Variants in SCTR observed in about 807,000 individuals in gnomAD.
SCTR encodes pancreatic secretin receptor.
Under a neutral mutation model 60.8 loss-of-function variants are expected in SCTR, and 56 were observed. The ratio of observed to expected loss-of-function variants is 0.92; its 90% CI spans 0.74 to 1.15. SCTR has a LOEUF of 1.15. Among genes scored for constraint, SCTR ranks in the 50% most tolerant of loss-of-function variants. The pLI is 0.00. For missense variants in SCTR, 562 were observed against 550.4 expected, an observed-to-expected ratio of 1.02 and a Z score of -0.21; for synonymous variants, 202 against 217.0, an observed-to-expected ratio of 0.93 and a Z score of 0.61.
At chr2:119,516,607 G>C (rs1679124985) in intron 1 of SCTR, among the ~76,000 whole-genome samples, 1 of 152,146 alleles carries the variant, frequency 6.6e-6, no homozygotes, top group African/African-American at 2.4e-5. Flanking sequence ...TGAAGTTGCA[G>C]TTACACCAGG....
chr2:119,500,408 A>C (rs1558875678), intron 1 of SCTR, among the ~76,000 whole-genome samples: 1 of 152,240 alleles, frequency 6.6e-6, no homozygotes, highest in African/African-American at 2.4e-5. Context: ...TATGTCAAAG[A>C]GATATATGCA....
In SCTR at chr2:119,439,977, G is replaced by T; in HGVS notation, c.*140C>A. The T allele has an allele frequency of 1.1e-6, 1 of 874,834 alleles. No individual in the cohort carries two copies. Among genetic ancestry groups the T allele is most frequent in the Non-Finnish European group, 1.7e-6 (1 of 577,998 alleles). 54.2% of individuals were successfully genotyped at this position (874,834 alleles called of 1,614,324 possible). On this transcript the variant is annotated 3_prime_UTR_variant, in exon 13 of 13. Transcript: ENST00000019103. ...CAGTGCCTCACATCCCTTCGGAAGAGTCCAAGGCCTGGGGAGGGGCATCTT... is the reference window on the plus strand; with the variant it reads ...CAGTGCCTCACATCCCTTCGGAAGATTCCAAGGCCTGGGGAGGGGCATCTT...
At chr2:119,515,544 G>A (rs1573930322) in intron 1 of SCTR, among the ~76,000 whole-genome samples, 2 of 152,102 alleles carry the variant, frequency 1.3e-5, no homozygotes, top group South Asian at 4.1e-4. Context: ...CAACAAAAAA[G>A]GCAGAGAAAG....
chr2:119,477,090 T>C (rs1299450132), intron 3 of SCTR: 2 of 152,208 alleles, frequency 1.3e-5, no homozygotes. Context: ...GGGCAGGTCT[T>C]ATTTATTTTC....
chr2:119,514,723 A>G (rs1009835490), intron 1 of SCTR, among the ~76,000 whole-genome samples: 3 of 152,072 alleles, frequency 2.0e-5, no homozygotes, highest in Admixed American at 6.6e-5. Context: ...TAAAAATACA[A>G]AAAAATCAGC....
At chr2:119,506,829 T>C (rs1258455046) in intron 1 of SCTR, among the ~76,000 whole-genome samples, 1 of 152,136 alleles carries the variant, frequency 6.6e-6, no homozygotes, top group Non-Finnish European at 1.5e-5. Context: ...AGATGCGTGT[T>C]GTCAGGAGTT....
In SCTR at chr2:119,453,314, A is replaced by G. The variant is rs1466604622; in HGVS notation, c.824T>C (p.Ile275Thr). The G allele has an allele frequency of 2.5e-6, 4 of 1,613,944 alleles. No individual in the cohort carries two copies. The highest frequency in any genetic ancestry group is 3.4e-6 in the Non-Finnish European group (4 of 1,179,770). Residue 275 changes from isoleucine to threonine, a missense_variant, in exon 8 of 13, where the codon ATT becomes ACT. Physicochemically the swap from Ile to Thr is moderately conservative, Grantham distance 89. Transcript: ENST00000019103. ...SPAIFVALWAIARHFLEDVGC... is the reference protein window; with the variant it reads ...SPAIFVALWATARHFLEDVGC... ...AACATCTTCCAGAAAGTGTCTGGCAATAGCCCACAAAGCAACAAAAATGGC... is the reference window on the plus strand; with the variant it reads ...AACATCTTCCAGAAAGTGTCTGGCAGTAGCCCACAAAGCAACAAAAATGGC...
intron 11 of SCTR, among the ~76,000 whole-genome samples, chr2:119,442,690 CAG>C (rs1251148440): frequency 1.3e-5 from 2 of 152,184 alleles, no homozygotes; most frequent in African/African-American, 2.4e-5. Flanking sequence ...CAGAAACACT[CAG>C]GGCATCGGTT....
In SCTR at chr2:119,524,234, G is replaced by T; in HGVS notation, c.-8C>A. On this transcript the variant is annotated 5_prime_UTR_variant, in exon 1 of 13. Coordinates refer to ENST00000019103, the MANE Select transcript of SCTR (RefSeq NM_002980.3). ...CGACAGGTGGGGACGCATGGTGCCCGCACGTTCCCCGAGGGCGCCCCGACG... is the reference window on the plus strand; with the variant it reads ...CGACAGGTGGGGACGCATGGTGCCCTCACGTTCCCCGAGGGCGCCCCGACG... The T allele has an allele frequency of 1.4e-6, 2 of 1,451,952 alleles. No individual in the cohort carries two copies. The highest frequency in any genetic ancestry group is 1.4e-5 in the South Asian group (1 of 72,768). 89.9% of individuals were successfully genotyped at this position (1,451,952 alleles called of 1,614,324 possible). A position where few individuals can be genotyped will look rare whatever the true frequency, so the allele number is the denominator to read the frequency against.
intron 4 of SCTR, among the ~76,000 whole-genome samples, chr2:119,470,593 T>A (rs1364003158): frequency 6.6e-6 from 1 of 152,230 alleles, no homozygotes; most frequent in East Asian, 1.9e-4. Flanking sequence ...TTTCAGCTCC[T>A]TGGTTTGGGG....
At chr2:119,457,068 A>G (rs913240916) in intron 7 of SCTR, among the ~76,000 whole-genome samples, 9 of 152,176 alleles carry the variant, frequency 5.9e-5, no homozygotes, top group Non-Finnish European at 1.2e-4. Flanking sequence ...TAAGCCACCA[A>G]GTTTGTGGCA....
Position 119,464,256 on chromosome 2 carries a change from C to T in SCTR, c.504-1G>A, listed in dbSNP as rs1683738742. On this transcript the variant is annotated splice_acceptor_variant, in intron 5 of 12. Transcript: ENST00000019103. LOFTEE classifies it high-confidence loss of function. ...GTAGTTGCGAGTGCAGTGGAGCCTC[C>T]TGCAGGGAGAGAATGTAGGGACATA... 2 of 1,614,044 alleles carry T rather than the reference C, an allele frequency of 1.2e-6. No homozygotes were observed. Among genetic ancestry groups the T allele is most frequent in the Non-Finnish European group, 1.7e-6 (2 of 1,180,024 alleles).
At chr2:119,453,042 C>T (rs1683233131) in intron 8 of SCTR, among the ~76,000 whole-genome samples, 2 of 152,172 alleles carry the variant, frequency 1.3e-5, no homozygotes, top group South Asian at 2.1e-4. Flanking sequence ...TGGCATCTGA[C>T]CCACATGCAG....
At chr2:119,500,279 A>G (rs570812783) in intron 1 of SCTR, among the ~76,000 whole-genome samples, 66 of 152,282 alleles carry the variant, frequency 4.3e-4, no homozygotes, top group African/African-American at 1.5e-3. Flanking sequence ...TGATGGGATG[A>G]ATTGTAGTAC....
At chr2:119,456,119 G>A (rs1683367974) in intron 7 of SCTR, among the ~76,000 whole-genome samples, 1 of 145,400 alleles carries the variant, frequency 6.9e-6, no homozygotes, top group South Asian at 2.2e-4. Flanking sequence ...AGGCTGGAGT[G>A]CAGTGGTCTC....
In SCTR at chr2:119,489,556, C is replaced by T. The variant is rs150751115; in HGVS notation, c.193+4872G>A. ...TACAGTGCAGTGCAGAGGTGCGAGA[C>T]GAGAGAGAAACAGTATCCTGCAGGA... On this transcript the variant is annotated intron_variant, in intron 2 of 12. Coordinates refer to ENST00000019103, the MANE Select transcript of SCTR (RefSeq NM_002980.3). Among the ~76,000 whole-genome samples the T allele has an allele frequency of 4.2e-4, 64 of 152,202 alleles. 1 individual carries two copies. In the East Asian group the frequency reaches 0.011, roughly 26 times the overall value.
At chr2:119,464,019 A>C (rs1289956973) in intron 6 of SCTR, 104 bp downstream of exon 6, 2 of 1,259,402 alleles carry the variant, frequency 1.6e-6, no homozygotes, top group African/African-American at 2.9e-5. Flanking sequence ...GTGCAGCCTC[A>C]GCAGGGGCTT....
intron 2 of SCTR, among the ~76,000 whole-genome samples, chr2:119,491,173 C>G (rs1678109224): frequency 6.6e-6 from 1 of 152,230 alleles, no homozygotes; most frequent in Non-Finnish European, 1.5e-5. Flanking sequence ...ATGTCCTTTT[C>G]CAGTTCACCT....
At chr2:119,450,841 AGT>A (rs1421736648) in intron 9 of SCTR, among the ~76,000 whole-genome samples, 2 of 152,126 alleles carry the variant, frequency 1.3e-5, no homozygotes, top group Non-Finnish European at 2.9e-5. Flanking sequence ...GGGAGCCTTT[AGT>A]CCCAGCTACT....
Sources: gnomAD v4.1 joint callset for allele counts (sites outside exome capture counted in the v4.1 genomes callset) on GRCh38, gnomAD v4.1.1 for gene constraint, MANE v1.5 for transcripts, NCBI Gene and HGNC (gene_info 2026-07-23, HGNC 2026-07-21) for gene names.